VSIG10L2: variants seen among roughly 807,000 people sequenced by gnomAD.
The protein encoded by VSIG10L2 is V-set and immunoglobulin domain containing 10 like 2.
Under a neutral mutation model 67.1 loss-of-function variants are expected in VSIG10L2, and 56 were observed. The observed-to-expected ratio is 0.83, with a 90% confidence interval of 0.67 to 1.04. The LOEUF is 1.04. Among genes scored for constraint, VSIG10L2 ranks in the 50% least tolerant of loss-of-function variants. The pLI, the probability that VSIG10L2 is intolerant of heterozygous loss-of-function variation, is 0.00. For missense variants in VSIG10L2, 843 were observed against 932.8 expected (o/e 0.90, Z 1.25); for synonymous variants, 360 against 396.6 (o/e 0.91, Z 1.10).
Position 125,950,128 on chromosome 11 carries a change from C to T in VSIG10L2, c.824C>T (p.Pro275Leu), listed in dbSNP as rs544780566. The stretch of plus-strand genomic sequence containing the variant: ...AGCTGTCTGGCTGCCTCCAACCCAC[C>T]TAGTCACTATGTGTGGCTCCGTGAC... ...TLSCLAASNP[P>L]SHYVWLRDHT... The change falls in exon 4 of 12, where the codon CCT becomes CTT. Residue 275 changes from proline to leucine, a missense_variant. Transcript: ENST00000686984. 3.2e-6 allele frequency: 4 copies of T among 1,232,342 alleles called. No individual in the cohort carries two copies. The highest frequency in any genetic ancestry group is 4.2e-5 in the Admixed American group (1 of 23,702). The allele number at this position is 1,232,342 out of a possible 1,614,324, so 76.3% of individuals were successfully genotyped here. A position where few individuals can be genotyped will look rare whatever the true frequency, so the allele number is the denominator to read the frequency against.
chr11:125,955,685 A>G lies in VSIG10L2; in HGVS notation c.2284+18A>G. ...ACCGGCAGGTAAGCACCTTATCCAG[A>G]AAAAGACGACTCGTGTACAAGGAGA... On this transcript the variant is annotated intron_variant, in intron 11 of 11. Transcript: ENST00000686984. 2 of 1,531,822 alleles carry G rather than the reference A, an allele frequency of 1.3e-6. No homozygotes were observed. The highest frequency in any genetic ancestry group is 1.7e-6 in the Non-Finnish European group (2 of 1,144,148). 94.9% of individuals were successfully genotyped at this position (1,531,822 alleles called of 1,614,324 possible).
rs1945304477 is a variant in VSIG10L2 at position 125,946,503 on chromosome 11, G to A, written c.82+366G>A. On this transcript the variant is annotated intron_variant, in intron 1 of 11. Transcript: ENST00000686984. This position sits in a 1 kb window ranked among gnomAD's most constrained non-coding sequence, Gnocchi z 4.4. ...CATCTTGGGCCAAAGCAATGTCCATGGGGTTGGAAGAAATTGGTTTCTGGG... is the reference window on the plus strand; with the variant it reads ...CATCTTGGGCCAAAGCAATGTCCATAGGGTTGGAAGAAATTGGTTTCTGGG... 6.6e-6 allele frequency among the ~76,000 whole-genome samples: 1 copy of A among 152,034 alleles called. No homozygotes were observed. The highest frequency in any genetic ancestry group is 1.5e-5 in the Non-Finnish European group (1 of 67,980).
Position 125,952,073 on chromosome 11 carries a change from G to A in VSIG10L2, c.1495G>A (p.Glu499Lys). 2 of 1,532,296 alleles carry A rather than the reference G, an allele frequency of 1.3e-6. No individual in the cohort carries two copies. The highest frequency in any genetic ancestry group is 1.7e-6 in the Non-Finnish European group (2 of 1,144,216). The allele number at this position is 1,532,296 out of a possible 1,614,324, so 94.9% of individuals were successfully genotyped here. ...TGACCCCCACTGCCACCTCCAGCTGGGTGAGTAGGGGCTAGCGAGTTTGTT... is the reference window on the plus strand; with the variant it reads ...TGACCCCCACTGCCACCTCCAGCTGAGTGAGTAGGGGCTAGCGAGTTTGTT... Reference protein sequence around the residue: ...TPDPHCHLQLEAPQLDVAEPR... With the variant: ...TPDPHCHLQLKAPQLDVAEPR... Residue 499 changes from glutamate (E) to lysine (K), a missense_variant and splice_region_variant, in exon 6 of 12, where the codon GAA becomes AAA. Physicochemically the swap from Glu to Lys is moderately conservative, Grantham distance 56 (BLOSUM62 1). Coordinates refer to ENST00000686984, the MANE Select transcript of VSIG10L2 (RefSeq NM_001365077.2).
chr11:125,950,292 G>A lies in VSIG10L2; in HGVS notation c.985+3G>A. 1 of 1,232,436 alleles carries A rather than the reference G, an allele frequency of 8.1e-7. No homozygotes were observed. The highest frequency in any genetic ancestry group is 1.0e-6 in the Non-Finnish European group (1 of 988,174). 76.3% of individuals were successfully genotyped at this position (1,232,436 alleles called of 1,614,324 possible). On this transcript the variant is annotated splice_donor_region_variant and intron_variant, in intron 4 of 11. Transcript: ENST00000686984. ...TACTGTCCAGCTCACCATCTACTGT[G>A]AGTGTGGGGGTCGGGTGACGCCCAG...
rs1289623370 is a variant in VSIG10L2, at chr11:125,951,870, T to C, written c.1292T>C (p.Ile431Thr). 1 of 1,532,880 alleles carries C rather than the reference T, an allele frequency of 6.5e-7. No individual in the cohort carries two copies. Among genetic ancestry groups the C allele is most frequent in the Non-Finnish European group, 8.7e-7 (1 of 1,144,844 alleles). 95.0% of individuals were successfully genotyped at this position (1,532,880 alleles called of 1,614,324 possible). ...WSTATMGDQF[I>T]MLSCEWPGGE... The stretch of plus-strand genomic sequence containing the variant: ...ACAGCCACAATGGGGGACCAGTTCA[T>C]CATGCTGAGCTGCGAGTGGCCTGGC... Residue 431 changes from isoleucine to threonine, a missense_variant, in exon 6 of 12, where the codon ATC (isoleucine) becomes ACC (threonine). Transcript: ENST00000686984.
rs483216 is a variant in VSIG10L2 at position 125,948,342 on chromosome 11, G to A, written c.471G>A (p.Pro157=). The A allele has an allele frequency of 0.34, 416,696 of 1,232,218 alleles. 71,954 individuals are homozygous for A. The highest frequency in any genetic ancestry group is 0.59 in the East Asian group (18,611 of 31,664). 76.3% of individuals were successfully genotyped at this position (1,232,218 alleles called of 1,614,324 possible). ...AGCCTCAAGTGCGACTGAGTAACCC[G>A]TCCCCTGTGGAGGGAGCCTCCGTGG... The part of the protein sequence containing the change: ...VSKPQVRLSN[P]SPVEGASVVA... Residue 157 remains proline, a synonymous_variant, in exon 3 of 12, where the codon CCG becomes CCA. Transcript: ENST00000686984.
rs2134304204 is a variant in VSIG10L2, at chr11:125,950,905, T to C, written c.986-5T>C. 6 of 1,232,498 alleles carry C rather than the reference T, an allele frequency of 4.9e-6. No individual in the cohort carries two copies. The highest frequency in any genetic ancestry group is 1.6e-5 in the African/African-American group (1 of 64,504). The allele number at this position is 1,232,498 out of a possible 1,614,324, so 76.3% of individuals were successfully genotyped here. ...TGCTCCAGCCTCACCCACTTCCCCATCCAGATCCCCCTGAGGGACAGCCCT... is the reference window on the plus strand; with the variant it reads ...TGCTCCAGCCTCACCCACTTCCCCACCCAGATCCCCCTGAGGGACAGCCCT... On this transcript the variant is annotated splice_region_variant and splice_polypyrimidine_tract_variant and intron_variant, in intron 4 of 11. Coordinates refer to ENST00000686984, the MANE Select transcript of VSIG10L2 (RefSeq NM_001365077.2).
At chr11:125,949,239 T>C (rs1438317206) in intron 3 of VSIG10L2, among the ~76,000 whole-genome samples, 1 of 152,148 alleles carries the variant, frequency 6.6e-6, no homozygotes, top group Non-Finnish European at 1.5e-5. Flanking sequence ...AAAACACCTA[T>C]TGGTGGTTTT....
intron 5 of VSIG10L2, among the ~76,000 whole-genome samples, chr11:125,951,573 C>T (rs1945371043): frequency 6.6e-6 from 1 of 152,208 alleles, no homozygotes; most frequent in Non-Finnish European, 1.5e-5. Flanking sequence ...TTCCGGAAGC[C>T]CCAGGGAGTT....
Position 125,955,844 on chromosome 11 carries a change from G to A in VSIG10L2, c.2312G>A (p.Gly771Asp), listed in dbSNP as rs1336375736. 3 of 709,058 alleles carry A rather than the reference G, an allele frequency of 4.2e-6. No individual in the cohort carries two copies. Among genetic ancestry groups the A allele is most frequent in the Non-Finnish European group, 7.6e-6 (3 of 393,512 alleles). 43.9% of individuals were successfully genotyped at this position (709,058 alleles called of 1,614,324 possible). A position where few individuals can be genotyped will look rare whatever the true frequency, so the allele number is the denominator to read the frequency against. ...AGLETPTTTP[G>D]LDPAQETTDS... ...CTTGAAACACCAACCACCACCCCAG[G>A]TTTGGATCCTGCACAAGAAACCACG... The change falls in exon 12 of 12, where the codon GGT becomes GAT. Residue 771 changes from glycine to aspartate, a missense_variant. Around this residue, in one of 2 missense-constraint regions of VSIG10L2, gnomAD observed 397 missense variants for 384.4 expected, o/e 1.03. Transcript: ENST00000686984.
chr11:125,948,256 G>T, intron 2 of VSIG10L2, 49 bp from the exon 3 acceptor site: 5 of 1,232,224 alleles, frequency 4.1e-6, no homozygotes, highest in Non-Finnish European at 5.1e-6. Context: ...ACAGCTGGGC[G>T]TGTCCTGGGT....
At position 125,947,716 on chromosome 11, in the gene VSIG10L2, T is replaced by C. The variant is rs11220283; in HGVS notation, c.113T>C (p.Val38Ala). The change falls in exon 2 of 12, where the codon GTA becomes GCA. Residue 38 changes from valine (V) to alanine (A), a missense_variant. Transcript: ENST00000686984. ...CCCCACCCGACCCCCGAGGCCCCTG[T>C]AGAGGAGGTGGTGTCTGTCCAGGGA... is the stretch of plus-strand genomic sequence containing the variant. Reference protein sequence around the residue: ...GQPHPTPEAPVEEVVSVQGVR... With the variant: ...GQPHPTPEAPAEEVVSVQGVR... 0.31 allele frequency: 380,810 copies of C among 1,230,156 alleles called. 59,581 individuals carry two copies. Among genetic ancestry groups the C allele is most frequent in the East Asian group, 0.35 (11,104 of 31,540 alleles). 76.2% of individuals were successfully genotyped at this position (1,230,156 alleles called of 1,614,324 possible).
At chr11:125,952,198 A>G in intron 6 of VSIG10L2, 125 bp downstream of exon 6, 1 of 1,296,456 alleles carries the variant, frequency 7.7e-7, no homozygotes, top group Non-Finnish European at 1.0e-6. Context: ...CGGACGGGGA[A>G]GCTAGGAGGT....
In VSIG10L2 at chr11:125,954,243, G is replaced by A. The variant is rs968878862; in HGVS notation, c.1943G>A (p.Trp648Ter). ...GCCCTGGGCCCAGGAGCTGGGGCGT[G>A]GGAGACAGCAGCTAGTGACATCGAG... ...ASALGPGAGA[W>*]ETAASDIEPE... is the part of the protein sequence containing the mutation. Residue 648 changes from tryptophan to a stop codon, truncating the protein, a stop_gained, in exon 8 of 12, where the codon TGG becomes TAG. Coordinates refer to ENST00000686984, the MANE Select transcript of VSIG10L2 (RefSeq NM_001365077.2). LOFTEE classifies it high-confidence loss of function. 2 of 1,232,094 alleles carry A rather than the reference G, an allele frequency of 1.6e-6. No individual in the cohort carries two copies. Among genetic ancestry groups the A allele is most frequent in the African/African-American group, 3.1e-5 (2 of 64,412 alleles). 76.3% of individuals were successfully genotyped at this position (1,232,094 alleles called of 1,614,324 possible). A position where few individuals can be genotyped will look rare whatever the true frequency, so the allele number is the denominator to read the frequency against.
At chr11:125,948,765 AG>A (rs1427083098) in intron 3 of VSIG10L2, among the ~76,000 whole-genome samples, 185 bp downstream of exon 3, 1 of 152,260 alleles carries the variant, frequency 6.6e-6, no homozygotes, top group Non-Finnish European at 1.5e-5. Context: ...CTCTAGTTCC[AG>A]GCTGTTAGCC....
rs1013251484 is a variant in VSIG10L2 at position 125,947,901 on chromosome 11, G to A, written c.298G>A (p.Val100Met). 114 of 1,232,216 alleles carry A rather than the reference G, an allele frequency of 9.3e-5. No homozygotes were observed. Among genetic ancestry groups the A allele is most frequent in the Middle Eastern group, 3.1e-4 (1 of 3,230 alleles). The allele number at this position is 1,232,216 out of a possible 1,614,324, so 76.3% of individuals were successfully genotyped here. Residue 100 changes from valine (V) to methionine (M), a missense_variant, in exon 2 of 12, where the codon GTG (valine) becomes ATG (methionine). Physicochemically the swap from Val to Met is conservative, Grantham distance 21. Around this residue, in one of 2 missense-constraint regions of VSIG10L2, gnomAD observed 446 missense variants for 548.4 expected, o/e 0.81. Transcript: ENST00000686984. ...GGCCATCGCCTCGGCTCTGGGAGTC[G>A]TGAGTCTGAGGAACAGCAGCCTGGT... is the stretch of plus-strand genomic sequence containing the variant. Reference protein sequence around the residue: ...VEAIASALGVVSLRNSSLVLG... With the variant: ...VEAIASALGVMSLRNSSLVLG...
In VSIG10L2 at chr11:125,955,835, C is replaced by T. The variant is rs1450167077; in HGVS notation, c.2303C>T (p.Thr768Ile). ...TTCATAGGCCTTGAAACACCAACCA[C>T]CACCCCAGGTTTGGATCCTGCACAA... ...EAPAGLETPT[T>I]TPGLDPAQET... The change falls in exon 12 of 12, where the codon ACC (threonine) becomes ATC (isoleucine). Residue 768 changes from threonine to isoleucine, a missense_variant. Physicochemically the swap from Thr to Ile is moderately conservative, Grantham distance 89. Transcript: ENST00000686984. 1 of 718,042 alleles carries T rather than the reference C, an allele frequency of 1.4e-6. No homozygotes were observed. The highest frequency in any genetic ancestry group is 1.5e-5 in the South Asian group (1 of 66,670). The allele number at this position is 718,042 out of a possible 1,614,324, so 44.5% of individuals were successfully genotyped here.
intron 1 of VSIG10L2, chr11:125,947,372 G>C (rs967941231): frequency 1.0e-6 from 1 of 971,578 alleles, no homozygotes; most frequent in Non-Finnish European, 1.2e-6. Context: ...TGTCTGACTT[G>C]ATAGTCTGGG....
chr11:125,954,255 C>G lies in VSIG10L2; in HGVS notation c.1955C>G (p.Ala652Gly). 8.1e-7 allele frequency: 1 copy of G among 1,232,250 alleles called. No homozygotes were observed. The highest frequency in any genetic ancestry group is 1.0e-6 in the Non-Finnish European group (1 of 988,056). The allele number at this position is 1,232,250 out of a possible 1,614,324, so 76.3% of individuals were successfully genotyped here. ...GGAGCTGGGGCGTGGGAGACAGCAG[C>G]TAGTGACATCGAGCCAGAGAGCCGA... ...GPGAGAWETA[A>G]SDIEPESRGR... The change falls in exon 8 of 12, where the codon GCT becomes GGT. Residue 652 changes from alanine (A) to glycine (G), a missense_variant. Coordinates refer to ENST00000686984, the MANE Select transcript of VSIG10L2 (RefSeq NM_001365077.2).
Sources: gnomAD v4.1 joint callset for allele counts (sites outside exome capture counted in the v4.1 genomes callset) on GRCh38, gnomAD v4.1.1 for gene constraint, gnomAD v4.1.1 regional missense constraint, Gnocchi (gnomAD v3.1) non-coding constraint, MANE v1.5 for transcripts, NCBI Gene and HGNC (gene_info 2026-07-23, HGNC 2026-07-21) for gene names.